The following GALNT13 variants were observed in gnomAD, a reference collection of about 807,000 sequenced individuals.
GALNT13 encodes the protein polypeptide N-acetylgalactosaminyltransferase 13, also known as UDP-GalNAc:polypeptide N-acetylgalactosaminyltransferase 13.
GALNT13 carries 28 observed loss-of-function variants against 64.2 expected under a neutral mutation model. The observed-to-expected ratio is 0.44, with a 90% CI of 0.32 to 0.60. GALNT13 has a LOEUF of 0.60. Among genes scored for constraint, GALNT13 ranks in the 20% least tolerant of loss-of-function variants. The pLI, the probability that GALNT13 is intolerant of heterozygous loss-of-function variation, is 0.05. For synonymous variants in GALNT13, 214 were observed against 224.6 expected, an observed-to-expected ratio of 0.95 and a Z score of 0.42; for missense variants, 577 against 669.8, an observed-to-expected ratio of 0.86 and a Z score of 1.53.
At chr2:153,943,697 G>A (rs1282105613) in intron 2 of GALNT13, among the ~76,000 whole-genome samples, 1 of 152,084 alleles carries the variant, frequency 6.6e-6, no homozygotes, top group African/African-American at 2.4e-5. Context: ...GTTTTACCAT[G>A]TTGGCCAGAC....
At chr2:154,023,705 A>C (rs1170370092) in intron 3 of GALNT13, among the ~76,000 whole-genome samples, 2 of 152,088 alleles carry the variant, frequency 1.3e-5, no homozygotes, top group Non-Finnish European at 2.9e-5. Flanking sequence ...TTTAAAGTTA[A>C]TGTTGTTATG....
At chr2:153,689,063 C>CGTGT in the GALNT13 span, among the ~76,000 whole-genome samples, 5 of 66,410 alleles carry the variant, frequency 7.5e-5, no homozygotes, top group Middle Eastern at 0.01. Context: ...TGCTAAACCG[C>CGTGT]GTGTGTATGT....
At chr2:153,094,457 A>C in the GALNT13 span, among the ~76,000 whole-genome samples, 1 of 152,196 alleles carries the variant, frequency 6.6e-6, no homozygotes, top group African/African-American at 2.4e-5. Context: ...AAATGGCCAT[A>C]CTGCCCAAGG....
At chr2:153,904,507 A>C (rs1688431878) in intron 2 of GALNT13, among the ~76,000 whole-genome samples, 1 of 151,598 alleles carries the variant, frequency 6.6e-6, no homozygotes, top group Admixed American at 6.6e-5. Context: ...ATTTCTTTTA[A>C]TTTTAGCCAT....
the GALNT13 span, among the ~76,000 whole-genome samples, chr2:153,243,376 G>A: frequency 3.3e-5 from 5 of 152,156 alleles, no homozygotes; most frequent in Admixed American, 6.5e-5. Flanking sequence ...GGGGACATGT[G>A]GAGTTAACCT....
chr2:153,256,114 T>G, the GALNT13 span, among the ~76,000 whole-genome samples: 1 of 152,148 alleles, frequency 6.6e-6, no homozygotes, highest in African/African-American at 2.4e-5. Context: ...CAATCAGACG[T>G]AGATTTGGTC....
At chr2:154,073,693 A>G (rs72995354) in intron 3 of GALNT13, among the ~76,000 whole-genome samples, 12,660 of 151,980 alleles carry the variant, frequency 0.083, 900 homozygotes, top group African/African-American at 0.19. Context: ...CAATTAGAGT[A>G]TGAAATATTC....
intron 3 of GALNT13, among the ~76,000 whole-genome samples, chr2:153,997,499 C>T (rs1376876990): frequency 2.0e-5 from 3 of 151,914 alleles, no homozygotes; most frequent in Admixed American, 2.0e-4. Flanking sequence ...AGAAAAAATG[C>T]TTCTAGATTT....
At chr2:153,577,950 A>G in the GALNT13 span, among the ~76,000 whole-genome samples, 1 of 151,368 alleles carries the variant, frequency 6.6e-6, no homozygotes. Flanking sequence ...ACACAAACAC[A>G]TAAAAGACTG....
At chr2:154,269,666 C>A (rs942629687) in intron 8 of GALNT13, among the ~76,000 whole-genome samples, 2 of 151,454 alleles carry the variant, frequency 1.3e-5, no homozygotes, top group Non-Finnish European at 3.0e-5. Flanking sequence ...TCTTGTTCCC[C>A]ATTTGGTGCA....
At chr2:154,325,582 T>C (rs1363403882) in intron 9 of GALNT13, among the ~76,000 whole-genome samples, 2 of 152,108 alleles carry the variant, frequency 1.3e-5, no homozygotes, top group African/African-American at 2.4e-5. Context: ...TTTAGATTTT[T>C]CTTTTAACCT....
the GALNT13 span, among the ~76,000 whole-genome samples, chr2:153,121,882 A>T: frequency 6.6e-6 from 1 of 152,162 alleles, no homozygotes; most frequent in Non-Finnish European, 1.5e-5. Context: ...ATGGTATCAC[A>T]TTATCTTAAC....
At chr2:154,145,100 C>CTATCTATCTATATATA (rs796615512) in intron 4 of GALNT13, among the ~76,000 whole-genome samples, 1 of 119,530 alleles carries the variant, frequency 8.4e-6, no homozygotes, top group African/African-American at 3.0e-5. Context: ...ATCTATCTAT[C>CTATCTATCTATATATA]TATATATATA....
chr2:153,536,084 T>C, the GALNT13 span, among the ~76,000 whole-genome samples: 1 of 152,166 alleles, frequency 6.6e-6, no homozygotes, highest in Non-Finnish European at 1.5e-5. Flanking sequence ...GGAGAAACTT[T>C]TTAAGAATAG....
chr2:154,072,155 G>A (rs1700769427), intron 3 of GALNT13, among the ~76,000 whole-genome samples: 1 of 152,094 alleles, frequency 6.6e-6, no homozygotes, highest in Non-Finnish European at 1.5e-5. Context: ...GTGGATTCAT[G>A]AAATGACAGG....
At chr2:153,200,341 C>A in the GALNT13 span, among the ~76,000 whole-genome samples, 1 of 152,180 alleles carries the variant, frequency 6.6e-6, no homozygotes, top group African/African-American at 2.4e-5. Context: ...AATGCAATAA[C>A]TAGTGGTAAA....
the GALNT13 span, among the ~76,000 whole-genome samples, chr2:153,640,860 T>A: frequency 1.3e-5 from 2 of 152,116 alleles, no homozygotes; most frequent in African/African-American, 4.8e-5. Context: ...TAATGTTAGC[T>A]TAACAAGTGG....
intron 12 of GALNT13, among the ~76,000 whole-genome samples, chr2:154,439,386 C>G (rs799775): frequency 0.99 from 151,383 of 152,294 alleles, 75,243 homozygotes; most frequent in Middle Eastern, 1. Context: ...CTTTGCATAA[C>G]GAAGCTTACT....
chr2:153,524,922 A>G, the GALNT13 span, among the ~76,000 whole-genome samples: 2 of 152,174 alleles, frequency 1.3e-5, no homozygotes, highest in Non-Finnish European at 1.5e-5. Context: ...CAGAGTAGCT[A>G]GAGGAGTGCT....
Sources: gnomAD v4.1 joint callset for allele counts (sites outside exome capture counted in the v4.1 genomes callset) on GRCh38, gnomAD v4.1.1 for gene constraint, MANE v1.5 for transcripts, NCBI Gene and HGNC (gene_info 2026-07-23, HGNC 2026-07-21) for gene names.